LRRC4C: variants seen among roughly 807,000 people sequenced by gnomAD.
The protein encoded by LRRC4C is leucine rich repeat containing 4C, also known as leucine-rich repeat-containing protein 4C.
In LRRC4C, 5 loss-of-function variants were observed where a neutral mutation model predicts 33.6. The ratio of observed to expected loss-of-function variants is 0.15; its 90% CI spans 0.08 to 0.31. The LOEUF is 0.31. LRRC4C is among the 10% of genes least tolerant of loss of function. The pLI is 1.00. For synonymous variants in LRRC4C, 329 were observed against 302.0 expected (o/e 1.09, Z -0.93); for missense variants, 560 against 796.7 (o/e 0.70, Z 3.58).
At chr11:40,768,327 C>T (rs9645638) in intron 2 of LRRC4C, among the ~76,000 whole-genome samples, 101,791 of 151,844 alleles carry the variant, frequency 0.67, 34,821 homozygotes, top group African/African-American at 0.73. Flanking sequence ...TAATAACAAG[C>T]CTCCTGGCCA....
intron 1 of LRRC4C, among the ~76,000 whole-genome samples, chr11:41,209,587 G>T (rs1946737378): frequency 6.6e-6 from 1 of 151,384 alleles, no homozygotes; most frequent in African/African-American, 2.4e-5. Context: ...TGAGGTTGCA[G>T]TGAGCTGAGA....
intron 1 of LRRC4C, among the ~76,000 whole-genome samples, chr11:41,057,480 C>T (rs1474517038): frequency 6.6e-6 from 1 of 152,176 alleles, no homozygotes; most frequent in Non-Finnish European, 1.5e-5. Flanking sequence ...CCTAAGGCCC[C>T]ATCTTCAGGC....
intron 1 of LRRC4C, among the ~76,000 whole-genome samples, chr11:41,458,997 T>C (rs993850596): frequency 6.6e-6 from 1 of 152,128 alleles, no homozygotes; most frequent in East Asian, 1.9e-4. Context: ...TATTAAGTTA[T>C]CGTGAAAGTC....
At chr11:41,045,298 T>C (rs1857695283) in intron 1 of LRRC4C, among the ~76,000 whole-genome samples, 1 of 152,202 alleles carries the variant, frequency 6.6e-6, no homozygotes, top group South Asian at 2.1e-4. Context: ...TAGATAATAG[T>C]TGGCATCAGA....
intron 1 of LRRC4C, among the ~76,000 whole-genome samples, chr11:41,073,939 T>A (rs1169570954): frequency 8.5e-5 from 13 of 152,186 alleles, no homozygotes; most frequent in Admixed American, 7.9e-4. Flanking sequence ...ATGAGATCCA[T>A]GATATCTTGC....
At chr11:41,025,505 T>C (rs1043463571) in intron 1 of LRRC4C, among the ~76,000 whole-genome samples, 7 of 141,116 alleles carry the variant, frequency 5.0e-5, no homozygotes, top group Non-Finnish European at 9.3e-5. Flanking sequence ...TTCATTTCTA[T>C]AAAGGCCTGA....
intron 5 of LRRC4C, among the ~76,000 whole-genome samples, chr11:40,238,720 G>A (rs924235764): frequency 7.2e-5 from 11 of 152,062 alleles, no homozygotes; most frequent in African/African-American, 2.7e-4. Flanking sequence ...ATGTATAAAA[G>A]AGTTAATATA....
chr11:40,565,443 A>G (rs561521107), intron 3 of LRRC4C, among the ~76,000 whole-genome samples: 1 of 152,318 alleles, frequency 6.6e-6, no homozygotes, highest in South Asian at 2.1e-4. Flanking sequence ...TCAGTGACTG[A>G]CCTTGAAGAA....
intron 3 of LRRC4C, among the ~76,000 whole-genome samples, chr11:40,333,648 C>T (rs1459826388): frequency 1.6e-4 from 21 of 130,900 alleles, no homozygotes; most frequent in Admixed American, 9.2e-4. Flanking sequence ...ACCCGGGAGG[C>T]GGAGGTTGCA....
At chr11:40,532,920 C>A (rs1367801042) in intron 3 of LRRC4C, among the ~76,000 whole-genome samples, 1 of 152,076 alleles carries the variant, frequency 6.6e-6, no homozygotes, top group Non-Finnish European at 1.5e-5. Context: ...ACCTTCTTCA[C>A]AAGGTAGCAG....
intron 1 of LRRC4C, among the ~76,000 whole-genome samples, chr11:41,238,718 A>G (rs1591029712): frequency 6.6e-6 from 1 of 152,142 alleles, no homozygotes; most frequent in African/African-American, 2.4e-5. Flanking sequence ...TTAAATCAAC[A>G]CCCTGGACCT....
intron 1 of LRRC4C, among the ~76,000 whole-genome samples, chr11:41,079,616 A>G (rs761646645): frequency 2.6e-5 from 4 of 152,172 alleles, no homozygotes; most frequent in Non-Finnish European, 5.9e-5. Flanking sequence ...TAAACTCAAA[A>G]AACATCACTG....
chr11:40,371,022 T>A lies in LRRC4C; in HGVS notation c.-269-51301A>T, dbSNP rs1015212882. Among the ~76,000 whole-genome samples the A allele has an allele frequency of 2.6e-5, 4 of 152,222 alleles. No individual in the cohort carries two copies. In the East Asian group the frequency reaches 5.8e-4, roughly 22 times the overall value. ...TGATTTTTTTAAAAAAAATCTTGTC[T>A]AAATACAACCCTCGGACTTAGAGGC... On this transcript the variant is annotated intron_variant, in intron 3 of 6. Transcript: ENST00000528697.
rs548492101 is a variant in LRRC4C at position 41,245,354 on chromosome 11, G to A, written c.-496+214077C>T. Reference sequence around the variant, plus strand: ...CAAGGGTGAGCCAGGCATGGAGCACGAAACAGCGAGGGGTGTGTAAGTGAG... The same window carrying A: ...CAAGGGTGAGCCAGGCATGGAGCACAAAACAGCGAGGGGTGTGTAAGTGAG... On this transcript the variant is annotated intron_variant, in intron 1 of 6. Transcript: ENST00000528697. 1.6e-4 allele frequency among the ~76,000 whole-genome samples: 25 copies of A among 152,274 alleles called. No homozygotes were observed. The South Asian group carries it at 4.3e-3, about 26-fold the overall frequency.
rs550814040 is a variant in LRRC4C, at chr11:41,344,441, C to T, written c.-496+114990G>A. On this transcript the variant is annotated intron_variant, in intron 1 of 6. Coordinates refer to ENST00000528697, the MANE Select transcript of LRRC4C (RefSeq NM_001258419.2). ...TTCACCGTGTTAGCCAGGATGGTCT[C>T]GATCTCCTGACCTCGTGATCCGCCC... 1.1e-3 allele frequency among the ~76,000 whole-genome samples: 173 copies of T among 152,114 alleles called. 1 individual carries two copies. The highest frequency in any genetic ancestry group is 4.0e-3 in the African/African-American group (165 of 41,520).
At chr11:41,177,522 C>T (rs1350187091) in intron 1 of LRRC4C, among the ~76,000 whole-genome samples, 2 of 152,094 alleles carry the variant, frequency 1.3e-5, no homozygotes, top group East Asian at 1.9e-4. Context: ...ATTATCTCAC[C>T]TATCTGCCTA....
intron 1 of LRRC4C, among the ~76,000 whole-genome samples, chr11:41,341,637 A>G (rs1951642783): frequency 6.6e-6 from 1 of 152,210 alleles, no homozygotes; most frequent in Non-Finnish European, 1.5e-5. Context: ...GGCAGAATCA[A>G]CAAAAGACCA....
At chr11:40,413,717 G>A (rs1950228913) in intron 3 of LRRC4C, among the ~76,000 whole-genome samples, 1 of 152,124 alleles carries the variant, frequency 6.6e-6, no homozygotes, top group South Asian at 2.1e-4. Flanking sequence ...TGAAGTGAAT[G>A]TTGTTTCAAA....
chr11:40,868,054 A>T (rs971633972), intron 2 of LRRC4C, among the ~76,000 whole-genome samples: 2 of 152,128 alleles, frequency 1.3e-5, no homozygotes, highest in African/African-American at 2.4e-5. Flanking sequence ...ATTTTTATAC[A>T]CGTAGTACTT....
Sources: gnomAD v4.1 joint callset for allele counts (sites outside exome capture counted in the v4.1 genomes callset) on GRCh38, gnomAD v4.1.1 for gene constraint, MANE v1.5 for transcripts, NCBI Gene and HGNC (gene_info 2026-07-23, HGNC 2026-07-21) for gene names.